Variants in ZMAT5 observed in about 807,000 individuals in gnomAD.
The protein encoded by ZMAT5 is zinc finger matrin-type protein 5.
In ZMAT5, 23 loss-of-function variants were observed where a neutral mutation model predicts 28.0. That is an observed-to-expected ratio of 0.82 (90% CI 0.59 to 1.16). The LOEUF (loss-of-function observed/expected upper bound fraction) is 1.16, where lower values mean the gene tolerates loss of function less well. Among genes scored for constraint, ZMAT5 ranks in the 50% most tolerant of loss-of-function variants. The probability of loss-of-function intolerance (pLI) is 0.00; values close to 1 mark genes in which losing one functional copy is unlikely to be tolerated. For synonymous variants in ZMAT5, 76 were observed against 84.1 expected, an observed-to-expected ratio of 0.90 and a Z score of 0.52; for missense variants, 173 against 212.7, an observed-to-expected ratio of 0.81 and a Z score of 1.16.
chr22:29,735,136 GGGAGGGGCTCAAAGCCCAGGAC>G (rs1569334213), intron 5 of ZMAT5, among the ~76,000 whole-genome samples: 1 of 152,188 alleles, frequency 6.6e-6, no homozygotes, highest in African/African-American at 2.4e-5. Context: ...GTGGATGCAG[GGGAGGGGCTCAAAGCCCAGGAC>G]GGAGGGAAAG....
intron 2 of ZMAT5, among the ~76,000 whole-genome samples, chr22:29,745,254 G>C (rs758224472): frequency 6.6e-6 from 1 of 152,212 alleles, no homozygotes; most frequent in African/African-American, 2.4e-5. Context: ...GAGGTGGTGG[G>C]GGGGCCTGGC....
At chr22:29,758,405 C>T (rs1265540622) in intron 1 of ZMAT5, among the ~76,000 whole-genome samples, 1 of 152,148 alleles carries the variant, frequency 6.6e-6, no homozygotes, top group African/African-American at 2.4e-5. Flanking sequence ...TGCTTAAGTC[C>T]AGGAGTTTGA....
At chr22:29,733,361 G>A (rs1457273172) in intron 5 of ZMAT5, among the ~76,000 whole-genome samples, 1 of 152,150 alleles carries the variant, frequency 6.6e-6, no homozygotes, top group Non-Finnish European at 1.5e-5. Flanking sequence ...GGAGAGCCGG[G>A]GTCAGGAGCC....
chr22:29,733,464 A>G (rs946150839), intron 5 of ZMAT5, among the ~76,000 whole-genome samples: 5 of 152,224 alleles, frequency 3.3e-5, no homozygotes, highest in Non-Finnish European at 7.4e-5. Context: ...CTCTGGGTGC[A>G]GCCTCCAGGA....
chr22:29,746,183 C>G (rs569303306), intron 2 of ZMAT5: 3 of 152,220 alleles, frequency 2.0e-5, no homozygotes, highest in African/African-American at 4.8e-5. Flanking sequence ...GAGTCTTGCT[C>G]TCTTGCCCAG....
chr22:29,748,684 C>T, intron 1 of ZMAT5, 113 bp from the exon 2 acceptor site: 2 of 1,350,514 alleles, frequency 1.5e-6, no homozygotes, highest in South Asian at 2.8e-5. Flanking sequence ...TCATATGCAC[C>T]CCGCCCCATT....
At chr22:29,737,087 T>C (rs1467591331) in intron 5 of ZMAT5, among the ~76,000 whole-genome samples, 2 of 149,068 alleles carry the variant, frequency 1.3e-5, no homozygotes, top group African/African-American at 5.0e-5. Context: ...CGTTGCACTT[T>C]GGGAGGCCGA....
chr22:29,761,269 CAAAAAAAAAA>C (rs131283), intron 1 of ZMAT5, among the ~76,000 whole-genome samples: 1 of 59,528 alleles, frequency 1.7e-5, no homozygotes, highest in South Asian at 6.7e-4. Context: ...AACTCCGTCT[CAAAAAAAAAA>C]AAAAAAAAAA....
intron 5 of ZMAT5, among the ~76,000 whole-genome samples, chr22:29,734,467 G>A (rs993731085): frequency 1.3e-5 from 2 of 152,220 alleles, no homozygotes; most frequent in African/African-American, 4.8e-5. Flanking sequence ...TTCCAGACCA[G>A]GCCCCACAAA....
chr22:29,738,505 C>G, intron 4 of ZMAT5, 64 bp from the exon 5 acceptor site: 1 of 1,476,898 alleles, frequency 6.8e-7, no homozygotes, highest in Non-Finnish European at 9.3e-7. Flanking sequence ...ACCCTACCCT[C>G]TCACAAAGCA....
At chr22:29,741,487 CTT>C (rs997615640) in intron 3 of ZMAT5, among the ~76,000 whole-genome samples, 1 of 152,222 alleles carries the variant, frequency 6.6e-6, no homozygotes, top group Non-Finnish European at 1.5e-5. Flanking sequence ...TAGTTTTCCT[CTT>C]TGCCATGGCT....
chr22:29,732,739 CAAAAAAAA>C (rs131258), intron 5 of ZMAT5, among the ~76,000 whole-genome samples: 1 of 70,310 alleles, frequency 1.4e-5, no homozygotes, highest in East Asian at 4.1e-4. Flanking sequence ...GACTCCTTCT[CAAAAAAAA>C]AAAAAAAAAA....
chr22:29,764,938 T>A (rs1165869529), intron 1 of ZMAT5, among the ~76,000 whole-genome samples: 1 of 152,110 alleles, frequency 6.6e-6, no homozygotes, highest in Non-Finnish European at 1.5e-5. Flanking sequence ...CCCAGCCCAG[T>A]CCCTGGTTTT....
At chr22:29,744,282 T>C (rs1386362383) in intron 2 of ZMAT5, among the ~76,000 whole-genome samples, 1 of 148,570 alleles carries the variant, frequency 6.7e-6, no homozygotes, top group African/African-American at 2.5e-5. Flanking sequence ...ACAAACCCTC[T>C]GAACAGCGCA....
At chr22:29,759,354 C>G (rs562658742) in intron 1 of ZMAT5, among the ~76,000 whole-genome samples, 21 of 152,298 alleles carry the variant, frequency 1.4e-4, no homozygotes, top group Middle Eastern at 3.4e-3. Context: ...CTCCTCACCT[C>G]TGGACTCCTC....
chr22:29,752,832 C>G (rs138483464), intron 1 of ZMAT5, among the ~76,000 whole-genome samples: 1 of 152,220 alleles, frequency 6.6e-6, no homozygotes, highest in African/African-American at 2.4e-5. Flanking sequence ...CGAGAGCCAC[C>G]GCACCAAGCC....
rs544755309 is a variant in ZMAT5, at chr22:29,765,400, G to C, written c.-28+1472C>G. Reference sequence around the variant, plus strand: ...TGCCACTGCACTCCAGCCGCACAGAGTGAGACTCTGTCTCAAAAAAAAACA... The same window carrying C: ...TGCCACTGCACTCCAGCCGCACAGACTGAGACTCTGTCTCAAAAAAAAACA... On this transcript the variant is annotated intron_variant, in intron 1 of 5. Transcript: ENST00000344318. Among the ~76,000 whole-genome samples, 4 of 151,922 alleles carry C rather than the reference G, an allele frequency of 2.6e-5. No homozygotes were observed. In the East Asian group the frequency reaches 7.7e-4, roughly 29 times the overall value.
intron 1 of ZMAT5, among the ~76,000 whole-genome samples, chr22:29,755,415 GGAAA>G (rs140215373): frequency 0.01 from 1,555 of 149,096 alleles, 28 homozygotes; most frequent in African/African-American, 0.036. Context: ...AGAAAAGAAA[GGAAA>G]GAAAGAAAGA....
intron 1 of ZMAT5, among the ~76,000 whole-genome samples, chr22:29,760,464 A>C (rs1484569577): frequency 2.0e-5 from 3 of 151,640 alleles, no homozygotes; most frequent in Admixed American, 2.0e-4. Context: ...GATTGAACCC[A>C]GGAGGTGAAG....
Sources: allele counts gnomAD v4.1 joint callset (sites outside exome capture counted in the v4.1 genomes callset), GRCh38; gene constraint gnomAD v4.1.1; transcripts MANE v1.5; gene names NCBI Gene and HGNC (gene_info 2026-07-23, HGNC 2026-07-21).